HYAL4: variants seen among roughly 807,000 people sequenced by gnomAD.
HYAL4 encodes the protein hyaluronidase-4.
In HYAL4, 37 loss-of-function variants were observed where a neutral mutation model predicts 35.2. The observed-to-expected ratio is 1.05, with a 90% CI of 0.81 to 1.38. The LOEUF (loss-of-function observed/expected upper bound fraction) is 1.38. Among genes scored for constraint, HYAL4 ranks in the 40% most tolerant of loss-of-function variants. HYAL4 has a pLI of 0.00. For missense variants in HYAL4, 572 were observed against 572.4 expected (o/e 1.00, Z 0.01); for synonymous variants, 198 against 203.2 (o/e 0.97, Z 0.22).
intron 2 of HYAL4, among the ~76,000 whole-genome samples, chr7:123,848,389 A>G (rs1806221013): frequency 6.6e-6 from 1 of 152,220 alleles, no homozygotes; most frequent in South Asian, 2.1e-4. Context: ...ATTTCAGTTA[A>G]CTTTTTATTT....
At chr7:123,808,088 G>A in the HYAL4 span, among the ~76,000 whole-genome samples, 4 of 151,888 alleles carry the variant, frequency 2.6e-5, no homozygotes, top group South Asian at 6.2e-4. Flanking sequence ...CAGGGCTCAA[G>A]CTTTCGTGCA....
chr7:123,778,813 C>G, the HYAL4 span, among the ~76,000 whole-genome samples: 1 of 152,044 alleles, frequency 6.6e-6, no homozygotes, highest in African/African-American at 2.4e-5. Flanking sequence ...CTAAATATTC[C>G]TTTTCAAATT....
chr7:123,811,942 A>G, the HYAL4 span, among the ~76,000 whole-genome samples: 1 of 151,988 alleles, frequency 6.6e-6, no homozygotes, highest in African/African-American at 2.4e-5. Context: ...ACCAGGTTCA[A>G]GTGATTCTCC....
the HYAL4 span, among the ~76,000 whole-genome samples, chr7:123,799,730 T>A: frequency 3.3e-5 from 5 of 152,310 alleles, no homozygotes; most frequent in South Asian, 1.0e-3. Flanking sequence ...TTTCTTGTTC[T>A]TTTTGTTCTT....
the HYAL4 span, among the ~76,000 whole-genome samples, chr7:123,786,725 T>TCTAA: frequency 6.6e-6 from 1 of 151,448 alleles, no homozygotes; most frequent in African/African-American, 2.4e-5. Flanking sequence ...TATCTATCTA[T>TCTAA]CTATCTATCT....
intron 2 of HYAL4, among the ~76,000 whole-genome samples, chr7:123,867,502 C>T (rs184983968): frequency 1.3e-5 from 2 of 152,050 alleles, no homozygotes; most frequent in Admixed American, 1.3e-4. Context: ...GAGAAAGGAA[C>T]CCAGATAAGA....
intron 2 of HYAL4, among the ~76,000 whole-genome samples, chr7:123,867,547 G>T (rs1033908565): frequency 2.0e-5 from 3 of 151,952 alleles, no homozygotes; most frequent in East Asian, 1.9e-4. Flanking sequence ...CCCTGGGAGG[G>T]TCAATTTCTA....
the HYAL4 span, among the ~76,000 whole-genome samples, chr7:123,816,099 C>CT: frequency 6.6e-6 from 1 of 150,740 alleles, no homozygotes; most frequent in Non-Finnish European, 1.5e-5. Flanking sequence ...CTTTCTTATA[C>CT]TTTAACACTT....
At chr7:123,830,786 TG>T (rs2116905428) in intron 1 of HYAL4, among the ~76,000 whole-genome samples, 1 of 152,352 alleles carries the variant, frequency 6.6e-6, no homozygotes, top group South Asian at 2.1e-4. Context: ...CTCTCATCTT[TG>T]TCTCAAGATA....
chr7:123,876,334 A>G (rs1296351906), intron 4 of HYAL4, among the ~76,000 whole-genome samples: 1 of 152,226 alleles, frequency 6.6e-6, no homozygotes, highest in African/African-American at 2.4e-5. Context: ...CACATACCTG[A>G]ATGGTAGCTG....
intron 1 of HYAL4, among the ~76,000 whole-genome samples, chr7:123,833,130 T>A (rs1481665423): frequency 6.6e-6 from 1 of 152,242 alleles, no homozygotes; most frequent in Non-Finnish European, 1.5e-5. Flanking sequence ...ATGGTAGTTC[T>A]ACTTTTATTC....
chr7:123,831,561 A>G (rs1584907503), intron 1 of HYAL4, among the ~76,000 whole-genome samples: 3 of 152,238 alleles, frequency 2.0e-5, no homozygotes, highest in South Asian at 4.1e-4. Context: ...TTCTATTGTT[A>G]TACATTTTAT....
the HYAL4 span, among the ~76,000 whole-genome samples, chr7:123,817,702 G>C: frequency 7.9e-5 from 12 of 151,306 alleles, no homozygotes; most frequent in African/African-American, 2.9e-4. Flanking sequence ...TAGAGACAGG[G>C]TTTCACCATT....
chr7:123,849,212 A>T (rs967489240), intron 2 of HYAL4, among the ~76,000 whole-genome samples: 3 of 152,118 alleles, frequency 2.0e-5, no homozygotes, highest in African/African-American at 7.2e-5. Flanking sequence ...AAATTATGAG[A>T]TAATAAAACT....
chr7:123,846,464 C>G (rs1443849508), intron 1 of HYAL4, among the ~76,000 whole-genome samples: 1 of 152,028 alleles, frequency 6.6e-6, no homozygotes, highest in African/African-American at 2.4e-5. Context: ...AGCTCTCATA[C>G]AACCCAAAAG....
the HYAL4 span, among the ~76,000 whole-genome samples, chr7:123,798,305 C>T: frequency 6.6e-6 from 1 of 152,156 alleles, no homozygotes; most frequent in Non-Finnish European, 1.5e-5. Context: ...TCAGAGCCTC[C>T]ACCCTTCTAC....
the HYAL4 span, among the ~76,000 whole-genome samples, chr7:123,782,334 T>C: frequency 3.3e-5 from 5 of 152,088 alleles, no homozygotes; most frequent in African/African-American, 9.7e-5. Flanking sequence ...AATTATAGTT[T>C]CAGGAAAAGA....
intron 2 of HYAL4, among the ~76,000 whole-genome samples, chr7:123,860,366 G>T (rs1383040881): frequency 6.6e-6 from 1 of 152,082 alleles, no homozygotes; most frequent in Admixed American, 6.6e-5. Flanking sequence ...ATTATACTGT[G>T]TACATATGTA....
At chr7:123,825,844 A>T (rs1012816205), upstream of HYAL4, among the ~76,000 whole-genome samples, 2 of 152,110 alleles carry the variant, frequency 1.3e-5, no homozygotes, top group African/African-American at 2.4e-5. Flanking sequence ...TCATAAATTT[A>T]TACTTTTAAC....
Sources: allele counts gnomAD v4.1 joint callset (sites outside exome capture counted in the v4.1 genomes callset), GRCh38; gene constraint gnomAD v4.1.1; transcripts MANE v1.5; gene names NCBI Gene and HGNC (gene_info 2026-07-23, HGNC 2026-07-21).